PCDH15: variants seen among roughly 807,000 people sequenced by gnomAD.
PCDH15 encodes the protein protocadherin related 15.
A neutral mutation model predicts 178.5 loss-of-function variants in PCDH15; 129 were observed. The ratio of observed to expected loss-of-function variants is 0.72; its 90% CI spans 0.63 to 0.84. The LOEUF is 0.84. Among genes scored for constraint, PCDH15 ranks in the 40% least tolerant of loss-of-function variants. PCDH15 has a pLI of 0.00. For synonymous variants in PCDH15, 800 were observed against 732.0 expected (o/e 1.09, Z -1.50); for missense variants, 2,230 against 2,099.9 (o/e 1.06, Z -1.21).
At chr10:54,891,855 C>T (rs547449261) in intron 3 of PCDH15, among the ~76,000 whole-genome samples, 2 of 152,122 alleles carry the variant, frequency 1.3e-5, no homozygotes, top group South Asian at 4.1e-4. Context: ...CAAATTCAGA[C>T]TTCATCACAG....
intron 15 of PCDH15, among the ~76,000 whole-genome samples, chr10:54,113,215 G>A (rs1413027434): frequency 6.6e-6 from 1 of 152,120 alleles, no homozygotes; most frequent in Non-Finnish European, 1.5e-5. Flanking sequence ...TTGTATAATA[G>A]TGTACATATA....
chr10:54,057,316 C>A (rs2093915726), intron 18 of PCDH15, among the ~76,000 whole-genome samples: 1 of 152,240 alleles, frequency 6.6e-6, no homozygotes, highest in Non-Finnish European at 1.5e-5. Context: ...GGGCTCTGCC[C>A]CTGCAGCATA....
At chr10:55,308,737 A>C (rs1843495837) in intron 1 of PCDH15, among the ~76,000 whole-genome samples, 3 of 152,200 alleles carry the variant, frequency 2.0e-5, no homozygotes, top group African/African-American at 4.8e-5. Flanking sequence ...CAGAAGACCA[A>C]GCTATAATTA....
chr10:54,515,086 G>T (rs931182415), intron 3 of PCDH15, among the ~76,000 whole-genome samples: 1 of 152,196 alleles, frequency 6.6e-6, no homozygotes, highest in Non-Finnish European at 1.5e-5. Flanking sequence ...TTCCATCTGA[G>T]GTACCGGGTT....
At position 54,355,855 on chromosome 10, in the gene PCDH15, T is replaced by C. The variant is rs141464424; in HGVS notation, c.475-9371A>G. ...ACATTAGTAATCAAATCTCTATTGC[T>C]AGAACATGCCTAAACCATTGAAAAG... On this transcript the variant is annotated intron_variant, in intron 5 of 37. Coordinates refer to ENST00000644397, the MANE Select transcript of PCDH15 (RefSeq NM_001384140.1). Among the ~76,000 whole-genome samples the C allele has an allele frequency of 2.0e-5, 3 of 152,178 alleles. No homozygotes were observed. The East Asian group carries it at 5.8e-4, about 29-fold the overall frequency.
Position 55,505,838 on chromosome 10 carries a change from T to C in PCDH15, c.-156+121787A>G, listed in dbSNP as rs79718643. ...TGATAAACATGTCTTAAGAGAATTC[T>C]GTCCTGTAGGAAGACTTCCTTGAGG... On this transcript the variant is annotated intron_variant, in intron 2 of 5. Coordinates refer to the PCDH15 transcript ENST00000613346. Among the ~76,000 whole-genome samples the C allele has an allele frequency of 5.2e-3, 785 of 151,592 alleles. 8 individuals carry two copies. Among genetic ancestry groups the C allele is most frequent in the African/African-American group, 0.018 (760 of 41,472 alleles).
chr10:55,360,063 T>A (rs1317437564), intron 2 of PCDH15, among the ~76,000 whole-genome samples: 1 of 151,914 alleles, frequency 6.6e-6, no homozygotes, highest in South Asian at 2.1e-4. Flanking sequence ...TAGAGATCTA[T>A]CAATAGTAAC....
intron 1 of PCDH15, among the ~76,000 whole-genome samples, chr10:55,297,220 G>T (rs2460272): frequency 0.15 from 22,986 of 151,944 alleles, 1,929 homozygotes; most frequent in Middle Eastern, 0.23. Context: ...GAGATTGGAA[G>T]TGATAAGCTG....
intron 1 of PCDH15, among the ~76,000 whole-genome samples, chr10:55,251,964 G>A (rs537727335): frequency 6.6e-6 from 1 of 152,182 alleles, no homozygotes; most frequent in African/African-American, 2.4e-5. Flanking sequence ...TTGGCTACTG[G>A]TTCACAAATC....
chr10:53,848,731 C>A (rs1187612333), intron 28 of PCDH15, among the ~76,000 whole-genome samples: 2 of 151,912 alleles, frequency 1.3e-5, no homozygotes, highest in Non-Finnish European at 2.9e-5. Flanking sequence ...TTTTGAAGCA[C>A]AATTCAAAGA....
chr10:55,032,031 G>C (rs1193674863), intron 2 of PCDH15, among the ~76,000 whole-genome samples: 1 of 152,124 alleles, frequency 6.6e-6, no homozygotes, highest in Non-Finnish European at 1.5e-5. Flanking sequence ...GGGATTGCTA[G>C]AAAAAGCCTC....
chr10:54,250,836 ATC>A, intron 8 of PCDH15, among the ~76,000 whole-genome samples: 1 of 152,158 alleles, frequency 6.6e-6, no homozygotes, highest in East Asian at 1.9e-4. Context: ...CCACTTCCCA[ATC>A]TCTCTCTCAC....
chr10:55,407,259 C>T (rs1010881235), intron 2 of PCDH15, among the ~76,000 whole-genome samples: 1 of 152,094 alleles, frequency 6.6e-6, no homozygotes, highest in African/African-American at 2.4e-5. Flanking sequence ...ATTCGTACAT[C>T]TTGGATGATC....
chr10:54,159,108 C>CA (rs34942409), intron 13 of PCDH15, among the ~76,000 whole-genome samples: 13,870 of 125,436 alleles, frequency 0.11, 1,554 homozygotes, highest in African/African-American at 0.29. Flanking sequence ...GAGTCTGTCT[C>CA]AAAAAAAAAA....
chr10:54,582,868 A>G (rs2091159980), intron 2 of PCDH15, among the ~76,000 whole-genome samples: 5 of 152,192 alleles, frequency 3.3e-5, no homozygotes, highest in Admixed American at 3.3e-4. Context: ...TCTAGGCAAT[A>G]GAGCAAGAAC....
At chr10:54,036,129 C>T (rs1228760687) in intron 18 of PCDH15, among the ~76,000 whole-genome samples, 1 of 151,878 alleles carries the variant, frequency 6.6e-6, no homozygotes, top group Non-Finnish European at 1.5e-5. Context: ...AAAGCCATCT[C>T]CATAACATAA....
intron 8 of PCDH15, among the ~76,000 whole-genome samples, chr10:54,303,786 C>T (rs1350244107): frequency 6.6e-6 from 1 of 152,100 alleles, no homozygotes; most frequent in East Asian, 1.9e-4. Context: ...TGAGTAAAAG[C>T]AGTGTTTTAA....
chr10:54,811,800 CTATT>C (rs1379209766), intron 3 of PCDH15, among the ~76,000 whole-genome samples: 2 of 152,132 alleles, frequency 1.3e-5, no homozygotes, highest in Admixed American at 6.6e-5. Context: ...TTTTAATAAT[CTATT>C]TGTGCTCTTA....
chr10:54,761,366 G>GGTTTT, intron 1 of PCDH15, among the ~76,000 whole-genome samples: 1 of 152,174 alleles, frequency 6.6e-6, no homozygotes, highest in African/African-American at 2.4e-5. Context: ...TAGGCTATCA[G>GGTTTT]GTTTTGAAAC....
Sources: gnomAD v4.1 joint callset for allele counts (sites outside exome capture counted in the v4.1 genomes callset) on GRCh38, gnomAD v4.1.1 for gene constraint, MANE v1.5 for transcripts, NCBI Gene and HGNC (gene_info 2026-07-23, HGNC 2026-07-21) for gene names.